The following GBP6 variants were observed in gnomAD, a reference collection of about 807,000 sequenced individuals.
GBP6 encodes the protein guanylate-binding protein 6.
A neutral mutation model predicts 61.5 loss-of-function variants in GBP6; 54 were observed. The ratio of observed to expected loss-of-function variants is 0.88; its 90% CI spans 0.71 to 1.10. The LOEUF (loss-of-function observed/expected upper bound fraction) is 1.10. Among genes scored for constraint, GBP6 ranks in the 50% least tolerant of loss-of-function variants. The pLI is 0.00. For missense variants in GBP6, 748 were observed against 752.8 expected (o/e 0.99, Z 0.07); for synonymous variants, 255 against 273.7 (o/e 0.93, Z 0.67).
intron 10 of GBP6, 26 bp downstream of exon 10, chr1:89,384,312 G>A (rs373276318): frequency 6.3e-6 from 10 of 1,575,814 alleles, no homozygotes; most frequent in Non-Finnish European, 8.6e-6. Context: ...GCCTCAGCAG[G>A]CCAGACGGTC....
chr1:89,383,537 A>G, intron 8 of GBP6, 115 bp from the exon 9 acceptor site: 1 of 727,292 alleles, frequency 1.4e-6, no homozygotes, highest in South Asian at 1.6e-5. Flanking sequence ...GTAGGGGGCC[A>G]CTTTAGAATT....
In GBP6 at chr1:89,369,416, C is replaced by T. The variant is rs116174488; in HGVS notation, c.191-130C>T. On this transcript the variant is annotated intron_variant, in intron 2 of 10. Coordinates refer to ENST00000370456, the MANE Select transcript of GBP6 (RefSeq NM_198460.3). ...TAGATTATTCACAAAGTAAGCCATT[C>T]TTGAGGAAATACAGAAAGGACCATC... is the stretch of plus-strand genomic sequence containing the variant. 2,153 of 1,118,814 alleles carry T rather than the reference C, an allele frequency of 1.9e-3. 26 individuals are homozygous for T. The African/African-American group carries it at 0.03, about 16-fold the overall frequency. 69.3% of individuals were successfully genotyped at this position (1,118,814 alleles called of 1,614,324 possible).
intron 1 of GBP6, among the ~76,000 whole-genome samples, chr1:89,365,113 G>A (rs1339813141): frequency 6.6e-6 from 1 of 151,956 alleles, no homozygotes; most frequent in African/African-American, 2.4e-5. Context: ...GCTGAGAATG[G>A]GATCTAATTA....
intron 4 of GBP6, 69 bp from the exon 5 acceptor site, chr1:89,378,348 T>C (rs1652864803): frequency 1.9e-6 from 3 of 1,547,820 alleles, no homozygotes; most frequent in African/African-American, 2.8e-5. Context: ...AGAGAGTGTT[T>C]ATAATATTTT....
intron 3 of GBP6, among the ~76,000 whole-genome samples, chr1:89,371,583 T>A (rs1010181177): frequency 6.6e-6 from 1 of 152,204 alleles, no homozygotes; most frequent in Non-Finnish European, 1.5e-5. Context: ...TCTCAATAGA[T>A]GCAGAAAAGG....
chr1:89,369,458 T>G, intron 2 of GBP6, 88 bp from the exon 3 acceptor site: 1 of 1,467,566 alleles, frequency 6.8e-7, no homozygotes, highest in Non-Finnish European at 9.2e-7. Context: ...GTTGGGGTAG[T>G]TACAATCCAA....
rs74741808 is a variant in GBP6, at chr1:89,388,044, G to A, written c.*2575G>A. On this transcript the variant is annotated 3_prime_UTR_variant, in exon 11 of 11. Transcript: ENST00000370456. ...ATGTCCTACAGTCTCTGTGAAACTG[G>A]GCCAAAGATAGAATTTTTTTTTCTG... Among the ~76,000 whole-genome samples the A allele has an allele frequency of 5.2e-4, 79 of 152,204 alleles. No individual in the cohort carries two copies. The highest frequency in any genetic ancestry group is 1.9e-3 in the African/African-American group (77 of 41,528).
chr1:89,368,545 A>G lies in GBP6; in HGVS notation c.-7A>G, dbSNP rs1652527385. 1.9e-6 allele frequency: 3 copies of G among 1,612,430 alleles called. No homozygotes were observed. The highest frequency in any genetic ancestry group is 2.5e-6 in the Non-Finnish European group (3 of 1,178,938). Reference sequence around the variant, plus strand: ...TACTGGGAGGCTCTTCTAGGTTGGCAGTTGCCATGGAATCTGGACCCAAAA... The same window carrying G: ...TACTGGGAGGCTCTTCTAGGTTGGCGGTTGCCATGGAATCTGGACCCAAAA... On this transcript the variant is annotated 5_prime_UTR_variant, in exon 2 of 11. Coordinates refer to ENST00000370456, the MANE Select transcript of GBP6 (RefSeq NM_198460.3).
intron 3 of GBP6, among the ~76,000 whole-genome samples, chr1:89,375,542 A>G (rs1382285341): frequency 6.6e-6 from 1 of 152,200 alleles, no homozygotes; most frequent in Non-Finnish European, 1.5e-5. Context: ...ATTCTATTAT[A>G]AAGACACATG....
intron 1 of GBP6, 91 bp from the exon 2 acceptor site, chr1:89,368,438 G>C: frequency 1.1e-6 from 1 of 900,056 alleles, no homozygotes; most frequent in Non-Finnish European, 1.7e-6. Flanking sequence ...TTGTCCAGTA[G>C]AAACACAGAA....
chr1:89,364,467 T>C (rs138508406), intron 1 of GBP6, among the ~76,000 whole-genome samples: 1 of 152,346 alleles, frequency 6.6e-6, no homozygotes, highest in Admixed American at 6.5e-5. Flanking sequence ...CAGGCAATTA[T>C]ACCGGAAGGG....
At chr1:89,382,073 A>G (rs954987748) in intron 7 of GBP6, 99 bp downstream of exon 7, 4 of 1,203,314 alleles carry the variant, frequency 3.3e-6, no homozygotes, top group South Asian at 1.5e-5. Context: ...TCACTGAGGA[A>G]TAACTTATTG....
chr1:89,369,796 G>A, intron 3 of GBP6, 123 bp downstream of exon 3: 1 of 1,171,298 alleles, frequency 8.5e-7, no homozygotes, highest in Non-Finnish European at 1.2e-6. Context: ...ACTTTGACCT[G>A]TTTGAATCAC....
chr1:89,378,235 G>A, intron 4 of GBP6, 23 bp downstream of exon 4: 1 of 1,590,970 alleles, frequency 6.3e-7, no homozygotes. Context: ...GAACAGAACA[G>A]AACCACCAGG....
Position 89,387,787 on chromosome 1 carries a change from A to G in GBP6, c.*2318A>G, listed in dbSNP as rs997543756. On this transcript the variant is annotated 3_prime_UTR_variant, in exon 11 of 11. Coordinates refer to ENST00000370456, the MANE Select transcript of GBP6 (RefSeq NM_198460.3). ...GCCTTTACTAAAAATACAAAAATTA[A>G]CCAAGTGTGGTGGCACACGCCTGTC... 6.6e-6 allele frequency among the ~76,000 whole-genome samples: 1 copy of G among 152,136 alleles called. No homozygotes were observed. The highest frequency in any genetic ancestry group is 2.4e-5 in the African/African-American group (1 of 41,422).
intron 4 of GBP6, 24 bp from the exon 5 acceptor site, chr1:89,378,393 T>G (rs375842029): frequency 6.2e-7 from 1 of 1,600,026 alleles, no homozygotes; most frequent in Non-Finnish European, 8.5e-7. Context: ...GGCAGACAGT[T>G]GCTTTTCCTT....
At position 89,381,101 on chromosome 1, in the gene GBP6, A is replaced by G. The variant is rs147243516; in HGVS notation, c.871+470A>G. Among the ~76,000 whole-genome samples the G allele has an allele frequency of 5.0e-3, 760 of 152,120 alleles. 7 individuals carry two copies. Among genetic ancestry groups the G allele is most frequent in the Middle Eastern group, 0.01 (3 of 294 alleles). On this transcript the variant is annotated intron_variant, in intron 6 of 10. Coordinates refer to ENST00000370456, the MANE Select transcript of GBP6 (RefSeq NM_198460.3). ...GGAGTTTGAGACCAGCCTGAACAACATGGTGAAACCCCATCTCTACAAAAA... is the reference window on the plus strand; with the variant it reads ...GGAGTTTGAGACCAGCCTGAACAACGTGGTGAAACCCCATCTCTACAAAAA...
chr1:89,372,694 C>T (rs1652678784), intron 3 of GBP6, among the ~76,000 whole-genome samples: 1 of 152,160 alleles, frequency 6.6e-6, no homozygotes, highest in Non-Finnish European at 1.5e-5. Flanking sequence ...AATGTTAAGC[C>T]TAAACCCATA....
chr1:89,369,489 C>T, intron 2 of GBP6, 57 bp from the exon 3 acceptor site: 1 of 1,576,708 alleles, frequency 6.3e-7, no homozygotes, highest in Non-Finnish European at 8.6e-7. Context: ...GCTGTGGCCC[C>T]AGGGCGGCTT....
Sources: gnomAD v4.1 joint callset for allele counts (sites outside exome capture counted in the v4.1 genomes callset) on GRCh38, gnomAD v4.1.1 for gene constraint, MANE v1.5 for transcripts, NCBI Gene and HGNC (gene_info 2026-07-23, HGNC 2026-07-21) for gene names.